GABRA2: variants seen among roughly 807,000 people sequenced by gnomAD.
The protein encoded by GABRA2 is gamma-aminobutyric acid receptor subunit alpha-2.
GABRA2 carries 16 observed loss-of-function variants against 48.7 expected under a neutral mutation model. The ratio of observed to expected loss-of-function variants is 0.33; its 90% confidence interval spans 0.22 to 0.50. GABRA2 has a LOEUF of 0.50. Among genes scored for constraint, GABRA2 ranks in the 20% least tolerant of loss-of-function variants. The probability of loss-of-function intolerance (pLI) is 0.98; values close to 1 mark genes in which losing one functional copy is unlikely to be tolerated. For synonymous variants in GABRA2, 185 were observed against 184.5 expected, an observed-to-expected ratio of 1.00 and a Z score of -0.02; for missense variants, 275 against 535.6, an observed-to-expected ratio of 0.51 and a Z score of 4.80.
chr4:46,295,382 G>A (rs1036364834), intron 8 of GABRA2, among the ~76,000 whole-genome samples: 1 of 152,220 alleles, frequency 6.6e-6, no homozygotes, highest in African/African-American at 2.4e-5. Context: ...TGAGGAAGAA[G>A]TATGTGGATG....
At chr4:46,321,629 T>C (rs1729465579) in intron 4 of GABRA2, among the ~76,000 whole-genome samples, 1 of 152,106 alleles carries the variant, frequency 6.6e-6, no homozygotes, top group Non-Finnish European at 1.5e-5. Flanking sequence ...TTGGCTAACC[T>C]TTCTTTATAT....
At chr4:46,354,998 T>C (rs988801738) in intron 3 of GABRA2, among the ~76,000 whole-genome samples, 2 of 152,160 alleles carry the variant, frequency 1.3e-5, no homozygotes, top group Non-Finnish European at 2.9e-5. Context: ...TAAGTCACTT[T>C]ATACAGACCT....
chr4:46,257,542 A>G (rs1410170815), intron 9 of GABRA2, among the ~76,000 whole-genome samples: 1 of 151,748 alleles, frequency 6.6e-6, no homozygotes. Flanking sequence ...ACTCCCAGTC[A>G]CATGGAAGCA....
chr4:46,272,617 G>A (rs898689019), intron 8 of GABRA2, among the ~76,000 whole-genome samples: 4 of 151,966 alleles, frequency 2.6e-5, no homozygotes, highest in African/African-American at 7.2e-5. Flanking sequence ...TGAAATGGGG[G>A]TTGGGTAGGG....
chr4:46,278,800 A>T (rs1303386115), intron 8 of GABRA2, among the ~76,000 whole-genome samples: 1 of 152,022 alleles, frequency 6.6e-6, no homozygotes, highest in African/African-American at 2.4e-5. Flanking sequence ...AGTTGGGAGG[A>T]AAAAGGAATG....
At chr4:46,265,570 C>G (rs1170908548) in intron 8 of GABRA2, among the ~76,000 whole-genome samples, 1 of 148,542 alleles carries the variant, frequency 6.7e-6, no homozygotes, top group Non-Finnish European at 1.5e-5. Context: ...ATTTTTTTCT[C>G]TTTTTTTCTT....
At chr4:46,358,751 C>G (rs1283823974) in intron 3 of GABRA2, among the ~76,000 whole-genome samples, 12 of 152,176 alleles carry the variant, frequency 7.9e-5, no homozygotes, top group African/African-American at 1.2e-4. Context: ...GACTAAATAT[C>G]TCTGAGCAAT....
intron 3 of GABRA2, among the ~76,000 whole-genome samples, chr4:46,380,799 C>T (rs1716655896): frequency 6.6e-6 from 1 of 152,082 alleles, no homozygotes; most frequent in Non-Finnish European, 1.5e-5. Flanking sequence ...TTAATTTTTG[C>T]CCACTCAGTA....
intron 8 of GABRA2, among the ~76,000 whole-genome samples, chr4:46,274,873 C>A (rs1577863353): frequency 1.3e-5 from 2 of 151,912 alleles, no homozygotes; most frequent in Non-Finnish European, 2.9e-5. Context: ...TACAATTAGA[C>A]CCCCAAATTG....
chr4:46,255,381 C>G (rs530021937), intron 9 of GABRA2, among the ~76,000 whole-genome samples: 58 of 151,588 alleles, frequency 3.8e-4, no homozygotes, highest in African/African-American at 1.3e-3. Context: ...ATGTAAGTCT[C>G]CTGAATGTCT....
At position 46,266,718 on chromosome 4, in the gene GABRA2, C is replaced by CTTTT. The variant is rs35380341; in HGVS notation, c.857-4594_857-4591dup. Among the ~76,000 whole-genome samples, 536 of 92,820 alleles carry CTTTT rather than the reference C, an allele frequency of 5.8e-3. 29 individuals are homozygous for CTTTT. The highest frequency in any genetic ancestry group is 0.02 in the African/African-American group (457 of 22,748). The allele number at this position is 92,820 out of a possible 152,430, so 60.9% of individuals were successfully genotyped here. On this transcript the variant is annotated intron_variant, in intron 8 of 9. Transcript: ENST00000381620. ...TAGCCACCATGTCTTCAAATATTCT[C>CTTTT]TTTTTTTTTTTTTTTTTTTTTGAGA...
intron 3 of GABRA2, among the ~76,000 whole-genome samples, chr4:46,336,480 A>G (rs896138817): frequency 2.6e-5 from 4 of 152,192 alleles, no homozygotes; most frequent in Non-Finnish European, 5.9e-5. Context: ...ATGGTTTACC[A>G]TTAGCAGAAA....
In GABRA2 at chr4:46,312,735, T is replaced by C. The variant is rs769832039; in HGVS notation, c.256-19A>G. On this transcript the variant is annotated intron_variant, in intron 4 of 9. Coordinates refer to ENST00000381620, the MANE Select transcript of GABRA2 (RefSeq NM_000807.4). Reference sequence around the variant, plus strand: ...TATATTCCTGAAATAAAAAATAGAATTTTTTTGAAAATAGTAAATGTTGTA... The same window carrying C: ...TATATTCCTGAAATAAAAAATAGAACTTTTTTGAAAATAGTAAATGTTGTA... 4.5e-6 allele frequency: 6 copies of C among 1,327,646 alleles called. No homozygotes were observed. The South Asian group carries it at 5.4e-5, about 12-fold the overall frequency. The allele number at this position is 1,327,646 out of a possible 1,614,324, so 82.2% of individuals were successfully genotyped here. A position where few individuals can be genotyped will look rare whatever the true frequency, so the allele number is the denominator to read the frequency against.
chr4:46,371,704 T>C (rs560600938), intron 3 of GABRA2, among the ~76,000 whole-genome samples: 67 of 152,294 alleles, frequency 4.4e-4, no homozygotes, highest in Middle Eastern at 6.8e-3. Flanking sequence ...GTCAGTCTTA[T>C]ATTTACGAAC....
At chr4:46,262,946 G>A (rs1340004984) in intron 8 of GABRA2, among the ~76,000 whole-genome samples, 1 of 81,756 alleles carries the variant, frequency 1.2e-5, no homozygotes, top group Non-Finnish European at 2.3e-5. Context: ...AAGAAAGAAA[G>A]AAAGAAAGAA....
At chr4:46,290,051 A>T (rs930483790) in intron 8 of GABRA2, among the ~76,000 whole-genome samples, 1 of 149,260 alleles carries the variant, frequency 6.7e-6, no homozygotes, top group Non-Finnish European at 1.5e-5. Flanking sequence ...AGCTGGGATT[A>T]CAGGCGCCCG....
chr4:46,275,006 C>A (rs1720206776), intron 8 of GABRA2, among the ~76,000 whole-genome samples: 1 of 152,022 alleles, frequency 6.6e-6, no homozygotes, highest in Non-Finnish European at 1.5e-5. Context: ...AAGCATTGGG[C>A]AGTTTTATTT....
intron 3 of GABRA2, among the ~76,000 whole-genome samples, chr4:46,335,779 T>G (rs1177239489): frequency 6.6e-6 from 1 of 152,036 alleles, no homozygotes; most frequent in Non-Finnish European, 1.5e-5. Flanking sequence ...CCCTGATCAC[T>G]CTTAGTTGAC....
chr4:46,350,967 G>A lies in GABRA2; in HGVS notation c.188-18285C>T, dbSNP rs568726647. Among the ~76,000 whole-genome samples, 499 of 151,882 alleles carry A rather than the reference G, an allele frequency of 3.3e-3. 4 individuals are homozygous for A. The highest frequency in any genetic ancestry group is 0.011 in the African/African-American group (467 of 41,476). ...CACATGATTCTGAACTCAAAGCTGG[G>A]GAGCCAGAGAAGCTTCCCAGAAAAA... On this transcript the variant is annotated intron_variant, in intron 3 of 9. Coordinates refer to ENST00000381620, the MANE Select transcript of GABRA2 (RefSeq NM_000807.4).
Sources: allele counts gnomAD v4.1 joint callset (sites outside exome capture counted in the v4.1 genomes callset), GRCh38; gene constraint gnomAD v4.1.1; transcripts MANE v1.5; gene names NCBI Gene and HGNC (gene_info 2026-07-23, HGNC 2026-07-21).